Variants in TELO2 observed in about 807,000 individuals in gnomAD.
TELO2 encodes telomere length regulation protein TEL2 homolog.
Under a neutral mutation model 91.0 loss-of-function variants are expected in TELO2, and 71 were observed. The ratio of observed to expected loss-of-function variants is 0.78; its 90% CI spans 0.64 to 0.95. TELO2 has a LOEUF of 0.95. Among genes scored for constraint, TELO2 ranks in the 40% least tolerant of loss-of-function variants. TELO2 has a pLI of 0.00. For synonymous variants in TELO2, 584 were observed against 518.9 expected (o/e 1.13, Z -1.71); for missense variants, 1,183 against 1,141.3 (o/e 1.04, Z -0.53).
chr16:1,501,359 C>A (rs2039668827), intron 9 of TELO2, 61 bp from the exon 10 acceptor site: 1 of 1,557,094 alleles, frequency 6.4e-7, no homozygotes, highest in South Asian at 1.2e-5. Flanking sequence ...TCCCGTGGCT[C>A]CGTCTCGGGG....
chr16:1,498,169 C>T (rs1217633985), intron 5 of TELO2, among the ~76,000 whole-genome samples: 1 of 152,060 alleles, frequency 6.6e-6, no homozygotes, highest in African/African-American at 2.4e-5. Flanking sequence ...CGCCCGCCAC[C>T]ACACCCGGCT....
In TELO2 at chr16:1,494,949, C is replaced by T. The variant is rs549699039; in HGVS notation, c.335+333C>T. Among the ~76,000 whole-genome samples the T allele has an allele frequency of 9.8e-5, 15 of 152,318 alleles. No individual in the cohort carries two copies. Among genetic ancestry groups the T allele is most frequent in the Admixed American group, 4.6e-4 (7 of 15,304 alleles). On this transcript the variant is annotated intron_variant, in intron 2 of 20. Coordinates refer to ENST00000262319, the MANE Select transcript of TELO2 (RefSeq NM_016111.4). This position sits in a 1 kb window ranked among gnomAD's most constrained non-coding sequence, Gnocchi z 5.6. ...GGAAGCACAGCTGTCATCACTGACA[C>T]GTGTCCCATGTGGACTCCCAGCCCC...
Position 1,494,603 on chromosome 16 carries a change from G to T in TELO2, c.322G>T (p.Glu108Ter). The change falls in exon 2 of 21, where the codon GAG (glutamate) becomes TAG (stop). Residue 108 changes from glutamate to a stop codon, truncating the protein, a stop_gained. Coordinates refer to ENST00000262319, the MANE Select transcript of TELO2 (RefSeq NM_016111.4). LOFTEE classifies it high-confidence loss of function. This position sits in a 1 kb window ranked among gnomAD's most constrained non-coding sequence, Gnocchi z 5.6. ...QAFLVLMETI[E>*]GAAGPSFRLM... ...CTTCCTGGTGTTGATGGAGACCATC[G>T]AGGGTGCTGCGGGGTGAGTGGGCTG... is the stretch of plus-strand genomic sequence containing the variant. The T allele has an allele frequency of 6.2e-7, 1 of 1,612,686 alleles. No individual in the cohort carries two copies.
intron 9 of TELO2, 125 bp from the exon 10 acceptor site, chr16:1,501,295 G>C (rs1209049131): frequency 7.0e-6 from 7 of 997,172 alleles, no homozygotes; most frequent in Non-Finnish European, 9.0e-6. Context: ...GGCTATCCAG[G>C]GCCCAGCCAC....
intron 13 of TELO2, 74 bp downstream of exon 13, chr16:1,502,478 T>C: frequency 6.5e-7 from 1 of 1,531,684 alleles, no homozygotes; most frequent in South Asian, 1.2e-5. Flanking sequence ...TCCTGGCCAC[T>C]GAGGGTGACA....
chr16:1,505,728 C>T lies in TELO2; in HGVS notation c.2034+127C>T, dbSNP rs1028424004. The T allele has an allele frequency of 4.0e-5, 50 of 1,235,780 alleles. No homozygotes were observed. The highest frequency in any genetic ancestry group is 1.2e-4 in the South Asian group (8 of 66,886). The allele number at this position is 1,235,780 out of a possible 1,614,324, so 76.6% of individuals were successfully genotyped here. A position where few individuals can be genotyped will look rare whatever the true frequency, so the allele number is the denominator to read the frequency against. ...CATTCGCTGGGGATGGTGCCTTTGC[C>T]GGGATTCCTGAAAGGCAGGGTCCAT... is the stretch of plus-strand genomic sequence containing the variant. On this transcript the variant is annotated intron_variant, in intron 16 of 20. Transcript: ENST00000262319. The surrounding 1 kb of genome is among the most constrained non-coding windows in gnomAD (Gnocchi z 4.3).
At chr16:1,508,212 G>A (rs11648142) in intron 20 of TELO2, among the ~76,000 whole-genome samples, 40,609 of 151,984 alleles carry the variant, frequency 0.27, 6,716 homozygotes, top group African/African-American at 0.46. Flanking sequence ...GGCTCACTGC[G>A]ACCTCCGCCT....
At chr16:1,498,956 C>T (rs1045444127) in intron 5 of TELO2, among the ~76,000 whole-genome samples, 6 of 152,098 alleles carry the variant, frequency 3.9e-5, no homozygotes, top group Admixed American at 2.6e-4. Context: ...GACCCGCCTC[C>T]GCCCGGGCTG....
Position 1,505,361 on chromosome 16 carries a change from T to A in TELO2, c.1843-49T>A. ...TTTGGCTGACTTGACTCTTGGGAAA[T>A]GTTCTTCCCTGGAGCAGTGGCGACG... On this transcript the variant is annotated intron_variant, in intron 15 of 20. Transcript: ENST00000262319. The surrounding 1 kb of genome is among the most constrained non-coding windows in gnomAD (Gnocchi z 4.3). 6.4e-7 allele frequency: 1 copy of A among 1,561,682 alleles called. No homozygotes were observed.
At chr16:1,501,042 G>C (rs1296680864) in intron 9 of TELO2, among the ~76,000 whole-genome samples, 1 of 152,228 alleles carries the variant, frequency 6.6e-6, no homozygotes, top group African/African-American at 2.4e-5. Flanking sequence ...TGGGTCGGTG[G>C]CCGTGGGTGT....
intron 20 of TELO2, 55 bp from the exon 21 acceptor site, chr16:1,509,771 AGGAG>A: frequency 6.9e-7 from 1 of 1,454,272 alleles, no homozygotes; most frequent in Non-Finnish European, 9.4e-7. Flanking sequence ...TGAAGACAGG[AGGAG>A]GGAGAATACG....
rs759838515 is a variant in TELO2 at position 1,505,646 on chromosome 16, G to A, written c.2034+45G>A. 1.3e-5 allele frequency: 19 copies of A among 1,506,496 alleles called. No individual in the cohort carries two copies. The highest frequency in any genetic ancestry group is 4.6e-4 in the Middle Eastern group (2 of 4,380). 93.3% of individuals were successfully genotyped at this position (1,506,496 alleles called of 1,614,324 possible). A position where few individuals can be genotyped will look rare whatever the true frequency, so the allele number is the denominator to read the frequency against. On this transcript the variant is annotated intron_variant, in intron 16 of 20. Coordinates refer to ENST00000262319, the MANE Select transcript of TELO2 (RefSeq NM_016111.4). This position sits in a 1 kb window ranked among gnomAD's most constrained non-coding sequence, Gnocchi z 4.3. ...CTCCTCACGGGCATGGGGACCGTGG[G>A]TGGGTGGGAAGGGCGGTCAGACACC... is the stretch of plus-strand genomic sequence containing the variant.
Position 1,505,278 on chromosome 16 carries a change from T to C in TELO2, c.1843-132T>C, listed in dbSNP as rs1257634030. Reference sequence around the variant, plus strand: ...GCTACGGGGAAGTGACTTTTCTCCTTGTTCCCAGAACACACCTTCTCCCAG... The same window carrying C: ...GCTACGGGGAAGTGACTTTTCTCCTCGTTCCCAGAACACACCTTCTCCCAG... On this transcript the variant is annotated intron_variant, in intron 15 of 20. Coordinates refer to ENST00000262319, the MANE Select transcript of TELO2 (RefSeq NM_016111.4). The surrounding 1 kb of genome is among the most constrained non-coding windows in gnomAD (Gnocchi z 4.3). The C allele has an allele frequency of 1.4e-5, 15 of 1,105,080 alleles. No individual in the cohort carries two copies. The highest frequency in any genetic ancestry group is 9.8e-5 in the South Asian group (6 of 61,084). 68.5% of individuals were successfully genotyped at this position (1,105,080 alleles called of 1,614,324 possible).
At position 1,501,462 on chromosome 16, in the gene TELO2, T is replaced by TC; in HGVS notation, c.1330dup (p.Gln444ProfsTer5). On this transcript the variant is annotated frameshift_variant, in exon 10 of 21. Coordinates refer to ENST00000262319, the MANE Select transcript of TELO2 (RefSeq NM_016111.4). LOFTEE classifies it high-confidence loss of function. ...GAGCCTCGAGCTGCTGGCCTTGGCCTCCCCCCAGCCTGCGGGTGACGGCGC... is the reference window on the plus strand; with the variant it reads ...GAGCCTCGAGCTGCTGGCCTTGGCCTCCCCCCCAGCCTGCGGGTGACGGCGC... The TC allele has an allele frequency of 1.2e-6, 2 of 1,611,450 alleles. No homozygotes were observed. The highest frequency in any genetic ancestry group is 1.7e-6 in the Non-Finnish European group (2 of 1,179,192).
Position 1,507,637 on chromosome 16 carries a change from C to T in TELO2, c.2328C>T (p.Ser776=), listed in dbSNP as rs201907553. 1.7e-4 allele frequency: 273 copies of T among 1,598,940 alleles called. No homozygotes were observed. The highest frequency in any genetic ancestry group is 1.0e-4 in the Non-Finnish European group (122 of 1,179,214). Reference sequence around the variant, plus strand: ...AGGGGCTGTTGTCGGCCGTCTCCTCCGTCCTGCTCAGCCTGCCTGCTGCGC... The same window carrying T: ...AGGGGCTGTTGTCGGCCGTCTCCTCTGTCCTGCTCAGCCTGCCTGCTGCGC... ...VRQGLLSAVS[S]VLLSLPAARL... is the part of the protein sequence containing the mutation. The change falls in exon 20 of 21, where the codon TCC becomes TCT. Residue 776 remains serine, a synonymous_variant. Coordinates refer to ENST00000262319, the MANE Select transcript of TELO2 (RefSeq NM_016111.4).
chr16:1,494,203 A>T lies in TELO2; in HGVS notation c.-36-43A>T. ...CGAGGGGCTTCCTGAGCTTGTGTGG[A>T]TTATTTCCGTGCCCCAAGCTGAGCC... On this transcript the variant is annotated intron_variant, in intron 1 of 20. Transcript: ENST00000262319. This position sits in a 1 kb window ranked among gnomAD's most constrained non-coding sequence, Gnocchi z 5.6. The T allele has an allele frequency of 7.1e-7, 1 of 1,406,246 alleles. No individual in the cohort carries two copies. The highest frequency in any genetic ancestry group is 9.8e-7 in the Non-Finnish European group (1 of 1,023,788). 87.1% of individuals were successfully genotyped at this position (1,406,246 alleles called of 1,614,324 possible).
intron 20 of TELO2, among the ~76,000 whole-genome samples, chr16:1,508,736 G>A (rs1332292483): frequency 1.3e-5 from 2 of 152,236 alleles, no homozygotes; most frequent in African/African-American, 4.8e-5. Context: ...TGTTTCCCAT[G>A]GGGAGTGGAG....
intron 2 of TELO2, among the ~76,000 whole-genome samples, 175 bp from the exon 3 acceptor site, chr16:1,495,171 C>T (rs931429415): frequency 2.6e-5 from 4 of 152,226 alleles, no homozygotes; most frequent in Non-Finnish European, 2.9e-5. Context: ...ACACAGTAAT[C>T]GCAGTTATTT....
In TELO2 at chr16:1,497,493, T is replaced by C. The variant is rs143641605; in HGVS notation, c.815T>C (p.Val272Ala). The C allele has an allele frequency of 2.0e-4, 315 of 1,569,990 alleles. No homozygotes were observed. In the African/African-American group the frequency reaches 4.0e-3, roughly 20 times the overall value. ...ATGGAGGCTGTGCTGACCGGGCTGG[T>C]GGAGGCCGCACTGGGGTAAGCAGCC... The part of the protein sequence containing the change: ...RAMEAVLTGL[V>A]EAALGPEVLS... The change falls in exon 5 of 21, where the codon GTG (valine) becomes GCG (alanine). Residue 272 changes from valine to alanine, a missense_variant. Transcript: ENST00000262319. The surrounding 1 kb of genome is among the most constrained non-coding windows in gnomAD (Gnocchi z 4.0).
Sources: allele counts gnomAD v4.1 joint callset (sites outside exome capture counted in the v4.1 genomes callset), GRCh38; gene constraint gnomAD v4.1.1; non-coding constraint Gnocchi (gnomAD v3.1); transcripts MANE v1.5; gene names NCBI Gene and HGNC (gene_info 2026-07-23, HGNC 2026-07-21).